Variants in MED27 observed in about 807,000 individuals in gnomAD.
The protein encoded by MED27 is mediator of RNA polymerase II transcription subunit 27.
A neutral mutation model predicts 38.2 loss-of-function variants in MED27; 30 were observed. That is an observed-to-expected ratio of 0.79 (90% CI 0.59 to 1.07). MED27 has a LOEUF of 1.07. MED27 is among the 50% of genes least tolerant of loss of function. MED27 has a pLI of 0.00. For missense variants in MED27, 289 were observed against 397.5 expected (o/e 0.73, Z 2.32); for synonymous variants, 122 against 153.5 (o/e 0.79, Z 1.52).
chr9:131,996,538 A>AG (rs776112046), intron 3 of MED27, among the ~76,000 whole-genome samples: 29 of 152,208 alleles, frequency 1.9e-4, no homozygotes, highest in Non-Finnish European at 3.4e-4. Context: ...GGACTCCTGG[A>AG]GGGGCAGCTC....
Position 131,883,869 on chromosome 9 carries a change from C to A in MED27, c.723+189G>T. The A allele has an allele frequency of 1.8e-6, 1 of 567,260 alleles. No homozygotes were observed. Among genetic ancestry groups the A allele is most frequent in the Non-Finnish European group, 3.1e-6 (1 of 326,868 alleles). 35.1% of individuals were successfully genotyped at this position (567,260 alleles called of 1,614,324 possible). On this transcript the variant is annotated intron_variant, in intron 6 of 7. Coordinates refer to ENST00000292035, the MANE Select transcript of MED27 (RefSeq NM_004269.4). The surrounding 1 kb of genome is among the most constrained non-coding windows in gnomAD (Gnocchi z 4.2). The stretch of plus-strand genomic sequence containing the variant: ...TACCCACCCTTAGGCAACCACGGAT[C>A]TGATTTCTGTCCCTAAGGTTTTGTT...
intron 3 of MED27, among the ~76,000 whole-genome samples, chr9:131,960,000 A>G (rs1831181825): frequency 6.6e-6 from 1 of 152,184 alleles, no homozygotes; most frequent in African/African-American, 2.4e-5. Context: ...TAATCAAGGA[A>G]ATTTACAGGA....
intron 3 of MED27, among the ~76,000 whole-genome samples, chr9:131,998,152 C>T (rs915952774): frequency 2.0e-5 from 3 of 151,492 alleles, no homozygotes; most frequent in African/African-American, 4.9e-5. Flanking sequence ...GAGGTTCACA[C>T]GCAAGTCTCA....
chr9:132,042,344 C>T (rs189666479), intron 2 of MED27, among the ~76,000 whole-genome samples: 2 of 152,294 alleles, frequency 1.3e-5, no homozygotes, highest in South Asian at 2.1e-4. Flanking sequence ...TCTTTATGCT[C>T]GAAAGTGTGT....
intron 3 of MED27, among the ~76,000 whole-genome samples, chr9:131,941,904 C>A (rs1403560613): frequency 7.0e-6 from 1 of 143,288 alleles, no homozygotes; most frequent in Non-Finnish European, 1.5e-5. Flanking sequence ...CAGCTCACTG[C>A]AAGCTCCACC....
At chr9:131,972,571 G>T (rs1440338967) in intron 3 of MED27, among the ~76,000 whole-genome samples, 1 of 152,160 alleles carries the variant, frequency 6.6e-6, no homozygotes, top group African/African-American at 2.4e-5. Context: ...TCCAATGAAT[G>T]AATGAATGAG....
chr9:131,887,452 T>C (rs1275682212), intron 5 of MED27, among the ~76,000 whole-genome samples: 1 of 152,178 alleles, frequency 6.6e-6, no homozygotes, highest in Non-Finnish European at 1.5e-5. Context: ...GGCCCTCTTT[T>C]GCTAGGAGTG....
chr9:131,922,635 C>CTTTTT (rs140015151), intron 4 of MED27, among the ~76,000 whole-genome samples: 47,407 of 150,752 alleles, frequency 0.31, 7,475 homozygotes, highest in East Asian at 0.41. Context: ...TTATTTTTTT[C>CTTTTT]TTTTCTTTTA....
chr9:131,863,426 C>T (rs992356135), intron 6 of MED27, among the ~76,000 whole-genome samples: 2 of 152,164 alleles, frequency 1.3e-5, no homozygotes, highest in Non-Finnish European at 2.9e-5. Flanking sequence ...GCAGAGGGAG[C>T]GGCCAGAGGC....
intron 3 of MED27, among the ~76,000 whole-genome samples, chr9:131,960,511 C>A (rs530377605): frequency 4.6e-5 from 7 of 152,262 alleles, no homozygotes; most frequent in Non-Finnish European, 5.9e-5. Context: ...TCAGATCTCA[C>A]CTTTGTCTTG....
intron 2 of MED27, among the ~76,000 whole-genome samples, chr9:132,053,755 AAC>A (rs1354815525): frequency 6.6e-6 from 1 of 152,106 alleles, no homozygotes; most frequent in Non-Finnish European, 1.5e-5. Context: ...TTTCAGACAA[AAC>A]AGTCGAGCCT....
chr9:131,963,575 T>C (rs1048701670), intron 3 of MED27, among the ~76,000 whole-genome samples: 2 of 152,200 alleles, frequency 1.3e-5, no homozygotes, highest in Non-Finnish European at 1.5e-5. Flanking sequence ...GTGCCCTTTC[T>C]CATTAGCAAA....
chr9:132,006,142 C>T (rs993815744), intron 3 of MED27, among the ~76,000 whole-genome samples: 4 of 152,098 alleles, frequency 2.6e-5, no homozygotes, highest in Admixed American at 6.5e-5. Context: ...TTTTCCAAAA[C>T]GCAGGAAACT....
intron 3 of MED27, among the ~76,000 whole-genome samples, chr9:131,999,291 C>T (rs1003591425): frequency 4.6e-5 from 7 of 152,130 alleles, no homozygotes; most frequent in Non-Finnish European, 8.8e-5. Context: ...ATCTATGGGC[C>T]GGGTCCACGA....
At chr9:131,875,307 G>A (rs1838911037) in intron 6 of MED27, among the ~76,000 whole-genome samples, 1 of 152,174 alleles carries the variant, frequency 6.6e-6, no homozygotes, top group Admixed American at 6.5e-5. Context: ...CAGATAACAT[G>A]CCTGAAAAAA....
At chr9:131,973,323 C>T (rs1831523013) in intron 3 of MED27, among the ~76,000 whole-genome samples, 1 of 152,204 alleles carries the variant, frequency 6.6e-6, no homozygotes, top group South Asian at 2.1e-4. Flanking sequence ...CAGGATAACT[C>T]TGGGTCCTTG....
chr9:132,053,201 C>T (rs568396205), intron 2 of MED27, among the ~76,000 whole-genome samples: 5 of 150,884 alleles, frequency 3.3e-5, no homozygotes, highest in Non-Finnish European at 5.9e-5. Context: ...TGCAGTGAGC[C>T]GAGATCGCGC....
At chr9:131,990,196 G>A (rs78981147) in intron 3 of MED27, among the ~76,000 whole-genome samples, 2,070 of 152,214 alleles carry the variant, frequency 0.014, 50 homozygotes, top group African/African-American at 0.048. Flanking sequence ...TCTTGTCTGC[G>A]AAGGGTCAGG....
intron 2 of MED27, among the ~76,000 whole-genome samples, chr9:132,071,491 C>T (rs1042556274): frequency 1.3e-5 from 2 of 151,446 alleles, no homozygotes; most frequent in African/African-American, 4.9e-5. Context: ...AGTCCATACA[C>T]GTACGAGTAA....
Sources: allele counts gnomAD v4.1 joint callset (sites outside exome capture counted in the v4.1 genomes callset), GRCh38; gene constraint gnomAD v4.1.1; non-coding constraint Gnocchi (gnomAD v3.1); transcripts MANE v1.5; gene names NCBI Gene and HGNC (gene_info 2026-07-23, HGNC 2026-07-21).